HSPA12B: variants seen among roughly 807,000 people sequenced by gnomAD.
HSPA12B encodes the protein heat shock protein family A (Hsp70) member 12B.
Under a neutral mutation model 69.3 loss-of-function variants are expected in HSPA12B, and 54 were observed. The ratio of observed to expected loss-of-function variants is 0.78; its 90% CI spans 0.63 to 0.98. The LOEUF is 0.98. HSPA12B is among the 50% of genes least tolerant of loss of function. The probability of loss-of-function intolerance (pLI) is 0.00; values close to 1 mark genes in which losing one functional copy is unlikely to be tolerated. For missense variants in HSPA12B, 929 were observed against 999.8 expected, an observed-to-expected ratio of 0.93 and a Z score of 0.96; for synonymous variants, 441 against 436.5, an observed-to-expected ratio of 1.01 and a Z score of -0.13.
At chr20:3,746,515 G>A (rs1003710058) in intron 7 of HSPA12B, among the ~76,000 whole-genome samples, 2 of 151,854 alleles carry the variant, frequency 1.3e-5, no homozygotes, top group Admixed American at 1.3e-4. Flanking sequence ...TGTTAGCCAG[G>A]ATGGTTTCAA....
At chr20:3,746,180 C>T in intron 7 of HSPA12B, 149 bp downstream of exon 7, 1 of 629,594 alleles carries the variant, frequency 1.6e-6, no homozygotes, top group Non-Finnish European at 2.8e-6. Flanking sequence ...AGAGTTGCTC[C>T]CACCAGAAGA....
At chr20:3,751,478 C>T (rs1011199746) in intron 12 of HSPA12B, 33 bp from the exon 13 acceptor site, 20 of 1,381,790 alleles carry the variant, frequency 1.4e-5, no homozygotes, top group Non-Finnish European at 1.9e-5. Context: ...TCCTCTGCCC[C>T]CTTCACCCGC....
Position 3,741,020 on chromosome 20 carries a change from G to C in HSPA12B, c.141+108G>C, listed in dbSNP as rs373398522. 957 of 836,220 alleles carry C rather than the reference G, an allele frequency of 1.1e-3. 4 individuals are homozygous for C. In the African/African-American group the frequency reaches 0.015, roughly 13 times the overall value. The allele number at this position is 836,220 out of a possible 1,614,324, so 51.8% of individuals were successfully genotyped here. ...CAGCTAGGAAGGAGGAGGGGATGGG[G>C]GTAGCACCATGCCTCTTGTCCCCGT... On this transcript the variant is annotated intron_variant, in intron 3 of 12. Transcript: ENST00000254963.
In HSPA12B at chr20:3,744,053, C is replaced by T. The variant is rs1225765227; in HGVS notation, c.267-849C>T. On this transcript the variant is annotated intron_variant, in intron 4 of 12. Transcript: ENST00000254963. The surrounding 1 kb of genome is among the most constrained non-coding windows in gnomAD (Gnocchi z 4.9). ...ACCTTGGGACCTCAAGACCCCAGTC[C>T]TCTGAATATGTCCTAGAGGGTCGGC... Among the ~76,000 whole-genome samples, 1 of 152,158 alleles carries T rather than the reference C, an allele frequency of 6.6e-6. No individual in the cohort carries two copies. The highest frequency in any genetic ancestry group is 1.5e-5 in the Non-Finnish European group (1 of 68,042).
Position 3,745,714 on chromosome 20 carries a change from GA to G in HSPA12B, c.558+118del. On this transcript the variant is annotated intron_variant, in intron 6 of 12. Coordinates refer to ENST00000254963, the MANE Select transcript of HSPA12B (RefSeq NM_052970.5). The surrounding 1 kb of genome is among the most constrained non-coding windows in gnomAD (Gnocchi z 5.6). ...GATGGGTAGCCACCGCCGGAGCTCA[GA>G]GGTCATCTTCTCCAGTACCCTCCTC... 2.0e-6 allele frequency: 2 copies of G among 1,003,106 alleles called. No homozygotes were observed. Among genetic ancestry groups the G allele is most frequent in the Non-Finnish European group, 3.1e-6 (2 of 649,822 alleles). 62.1% of individuals were successfully genotyped at this position (1,003,106 alleles called of 1,614,324 possible). A position where few individuals can be genotyped will look rare whatever the true frequency, so the allele number is the denominator to read the frequency against.
chr20:3,745,157 TG>T lies in HSPA12B; in HGVS notation c.453+72del. ...AAAGGGCAGGGCTAATGGGGGTGGG[TG>T]GGACAAAACCAAAACGTGTGAGGAC... On this transcript the variant is annotated intron_variant, in intron 5 of 12. Coordinates refer to ENST00000254963, the MANE Select transcript of HSPA12B (RefSeq NM_052970.5). The surrounding 1 kb of genome is among the most constrained non-coding windows in gnomAD (Gnocchi z 5.6). 1 of 969,652 alleles carries T rather than the reference TG, an allele frequency of 1.0e-6. No homozygotes were observed. The allele number at this position is 969,652 out of a possible 1,614,324, so 60.1% of individuals were successfully genotyped here.
rs2088441682 is a variant in HSPA12B, at chr20:3,752,246, C to CG, written c.*85dup. ...CAGGGGCCTGCGGAGCGGGTTGGGG[C>CG]GGGGGAAACGATAGTTCTGCAGTCT... is the stretch of plus-strand genomic sequence containing the variant. On this transcript the variant is annotated 3_prime_UTR_variant, in exon 13 of 13. Transcript: ENST00000254963. 6 of 1,304,770 alleles carry CG rather than the reference C, an allele frequency of 4.6e-6. No individual in the cohort carries two copies. Among genetic ancestry groups the CG allele is most frequent in the Non-Finnish European group, 5.0e-6 (5 of 998,222 alleles). 80.8% of individuals were successfully genotyped at this position (1,304,770 alleles called of 1,614,324 possible). A position where few individuals can be genotyped will look rare whatever the true frequency, so the allele number is the denominator to read the frequency against.
Position 3,745,117 on chromosome 20 carries a change from CG to C in HSPA12B, c.453+33del. ...AGTCACAGGGCTCCAGACAGGGAGG[CG>C]GGGCCAGCATGGAAAAGGGCAGGGC... On this transcript the variant is annotated intron_variant, in intron 5 of 12. Coordinates refer to ENST00000254963, the MANE Select transcript of HSPA12B (RefSeq NM_052970.5). This position sits in a 1 kb window ranked among gnomAD's most constrained non-coding sequence, Gnocchi z 5.6. 1.0e-6 allele frequency: 1 copy of C among 989,414 alleles called. No homozygotes were observed. The highest frequency in any genetic ancestry group is 1.5e-6 in the Non-Finnish European group (1 of 674,296). The allele number at this position is 989,414 out of a possible 1,614,324, so 61.3% of individuals were successfully genotyped here.
In HSPA12B at chr20:3,750,902, A is replaced by G; in HGVS notation, c.1400A>G (p.His467Arg). The change falls in exon 12 of 13, where the codon CAC becomes CGC. Residue 467 changes from histidine (H) to arginine (R), a missense_variant. Coordinates refer to ENST00000254963, the MANE Select transcript of HSPA12B (RefSeq NM_052970.5). The stretch of plus-strand genomic sequence containing the variant: ...CCCACCGTCAGCGGGATCATCCAGC[A>G]CATAGGTGAGCACCTGAGCTTGGTC... ...FQPTVSGIIQ[H>R]IEALLARPEV... The G allele has an allele frequency of 1.2e-6, 2 of 1,613,928 alleles. No homozygotes were observed. The highest frequency in any genetic ancestry group is 3.3e-5 in the Admixed American group (2 of 60,026).
chr20:3,747,893 C>T (rs912364049), intron 7 of HSPA12B, among the ~76,000 whole-genome samples: 1 of 152,272 alleles, frequency 6.6e-6, no homozygotes, highest in Non-Finnish European at 1.5e-5. Flanking sequence ...TGAAGGGGAA[C>T]CTTGCTGCAG....
chr20:3,745,507 G>A lies in HSPA12B; in HGVS notation c.468G>A (p.Lys156=). The A allele has an allele frequency of 6.2e-7, 1 of 1,614,098 alleles. No homozygotes were observed. Among genetic ancestry groups the A allele is most frequent in the Non-Finnish European group, 8.5e-7 (1 of 1,179,958 alleles). The part of the protein sequence containing the change: ...KIHSATDLTL[K]TQLEAVNGKT... ...GTCCCTGCCAGGATCTCACCTTGAAGACCCAGCTAGAGGCAGTAAATGGAA... is the reference window on the plus strand; with the variant it reads ...GTCCCTGCCAGGATCTCACCTTGAAAACCCAGCTAGAGGCAGTAAATGGAA... Residue 156 remains lysine, a synonymous_variant, in exon 6 of 13, where the codon AAG becomes AAA. Transcript: ENST00000254963. This position sits in a 1 kb window ranked among gnomAD's most constrained non-coding sequence, Gnocchi z 5.6.
chr20:3,750,396 C>T (rs957301553), intron 11 of HSPA12B, among the ~76,000 whole-genome samples, 169 bp downstream of exon 11: 3 of 152,164 alleles, frequency 2.0e-5, no homozygotes, highest in Non-Finnish European at 4.4e-5. Flanking sequence ...GAGTGAGTGC[C>T]CCAGCCCAGC....
Position 3,745,175 on chromosome 20 carries a change from T to G in HSPA12B, c.453+87T>G. The stretch of plus-strand genomic sequence containing the variant: ...GGGTGGGTGGGACAAAACCAAAACG[T>G]GTGAGGACCGGCCCGATGGAGTCGT... On this transcript the variant is annotated intron_variant, in intron 5 of 12. Coordinates refer to ENST00000254963, the MANE Select transcript of HSPA12B (RefSeq NM_052970.5). The surrounding 1 kb of genome is among the most constrained non-coding windows in gnomAD (Gnocchi z 5.6). 1 of 1,219,856 alleles carries G rather than the reference T, an allele frequency of 8.2e-7. No homozygotes were observed. Among genetic ancestry groups the G allele is most frequent in the Non-Finnish European group, 1.2e-6 (1 of 860,192 alleles). The allele number at this position is 1,219,856 out of a possible 1,614,324, so 75.6% of individuals were successfully genotyped here.
rs35209985 is a variant in HSPA12B at position 3,734,737 on chromosome 20, A to ATTTT, written c.-18+1959_-18+1962dup. On this transcript the variant is annotated intron_variant, in intron 1 of 12. Coordinates refer to ENST00000254963, the MANE Select transcript of HSPA12B (RefSeq NM_052970.5). ...CGTGGGATCCTCCTTCTTTAACACA[A>ATTTT]TTTTTTTTTTTTTTTTTTTGGAGAC... is the stretch of plus-strand genomic sequence containing the variant. 1.4e-3 allele frequency among the ~76,000 whole-genome samples: 167 copies of ATTTT among 120,280 alleles called. 7 individuals carry two copies. Among genetic ancestry groups the ATTTT allele is most frequent in the African/African-American group, 4.8e-3 (148 of 30,934 alleles). 78.9% of individuals were successfully genotyped at this position (120,280 alleles called of 152,430 possible).
At chr20:3,750,274 A>G (rs1162636028) in intron 11 of HSPA12B, 47 bp downstream of exon 11, 6 of 1,530,196 alleles carry the variant, frequency 3.9e-6, no homozygotes, top group Non-Finnish European at 5.3e-6. Flanking sequence ...CGACCCGGGA[A>G]TGACCGTGCA....
At position 3,749,721 on chromosome 20, in the gene HSPA12B, C is replaced by T. The variant is rs1204802039; in HGVS notation, c.938-29C>T. 3 of 1,509,956 alleles carry T rather than the reference C, an allele frequency of 2.0e-6. No individual in the cohort carries two copies. The highest frequency in any genetic ancestry group is 1.4e-5 in the African/African-American group (1 of 73,046). The allele number at this position is 1,509,956 out of a possible 1,614,324, so 93.5% of individuals were successfully genotyped here. ...AGGGCTGAGGGTGCGAGGCCGCCCA[C>T]GAGTGTGTGCCCGCGCTCGCCGCCG... On this transcript the variant is annotated intron_variant, in intron 9 of 12. Coordinates refer to ENST00000254963, the MANE Select transcript of HSPA12B (RefSeq NM_052970.5). The surrounding 1 kb of genome is among the most constrained non-coding windows in gnomAD (Gnocchi z 5.5).
In HSPA12B at chr20:3,744,380, C is replaced by G. The variant is rs1381609752; in HGVS notation, c.267-522C>G. 6.6e-6 allele frequency among the ~76,000 whole-genome samples: 1 copy of G among 152,162 alleles called. No individual in the cohort carries two copies. Among genetic ancestry groups the G allele is most frequent in the Non-Finnish European group, 1.5e-5 (1 of 68,022 alleles). On this transcript the variant is annotated intron_variant, in intron 4 of 12. Coordinates refer to ENST00000254963, the MANE Select transcript of HSPA12B (RefSeq NM_052970.5). This position sits in a 1 kb window ranked among gnomAD's most constrained non-coding sequence, Gnocchi z 4.9. The stretch of plus-strand genomic sequence containing the variant: ...GGCCATGCTGGGGCTAAGGACACAT[C>G]CAGGAACACTGTCTCTGTCCTGTGG...
rs1373479887 is a variant in HSPA12B, at chr20:3,740,930, A to G, written c.141+18A>G. The G allele has an allele frequency of 1.9e-6, 3 of 1,601,694 alleles. No homozygotes were observed. In the African/African-American group the frequency reaches 4.0e-5, roughly 21 times the overall value. ...AGTCTCCAGTAAGCCCAGAGCAGGG[A>G]CCAGGTGGTGGGTGACCTGGCTGGT... On this transcript the variant is annotated intron_variant, in intron 3 of 12. Transcript: ENST00000254963. This position sits in a 1 kb window ranked among gnomAD's most constrained non-coding sequence, Gnocchi z 4.9.
At position 3,740,157 on chromosome 20, in the gene HSPA12B, T is replaced by TG. The variant is rs1255673767; in HGVS notation, c.44-657dup. 5.9e-5 allele frequency among the ~76,000 whole-genome samples: 9 copies of TG among 151,410 alleles called. No individual in the cohort carries two copies. The highest frequency in any genetic ancestry group is 2.1e-4 in the South Asian group (1 of 4,812). On this transcript the variant is annotated intron_variant, in intron 2 of 12. Transcript: ENST00000254963. This position sits in a 1 kb window ranked among gnomAD's most constrained non-coding sequence, Gnocchi z 4.9. Reference sequence around the variant, plus strand: ...GGCTCAGGGTGTGTGTATGTGTGTGTGTGGGGGGTGGGAATCAGACTTCCT... The same window carrying TG: ...GGCTCAGGGTGTGTGTATGTGTGTGTGGTGGGGGGTGGGAATCAGACTTCCT...
Sources: allele counts gnomAD v4.1 joint callset (sites outside exome capture counted in the v4.1 genomes callset), GRCh38; gene constraint gnomAD v4.1.1; non-coding constraint Gnocchi (gnomAD v3.1); transcripts MANE v1.5; gene names NCBI Gene and HGNC (gene_info 2026-07-23, HGNC 2026-07-21).